The following RGS22 variants were observed in gnomAD, a reference collection of about 807,000 sequenced individuals.
RGS22 encodes regulator of G-protein signaling 22.
RGS22 carries 148 observed loss-of-function variants against 172.9 expected under a neutral mutation model. The ratio of observed to expected loss-of-function variants is 0.86; its 90% CI spans 0.75 to 0.98. RGS22 has a LOEUF of 0.98. Among genes scored for constraint, RGS22 ranks in the 50% least tolerant of loss-of-function variants. RGS22 has a pLI of 0.00. For missense variants in RGS22, 1,347 were observed against 1,440.8 expected (o/e 0.93, Z 1.05); for synonymous variants, 458 against 480.2 (o/e 0.95, Z 0.60).
intron 14 of RGS22, among the ~76,000 whole-genome samples, chr8:100,034,520 T>A (rs1007569723): frequency 2.6e-5 from 4 of 152,072 alleles, no homozygotes; most frequent in Non-Finnish European, 5.9e-5. Flanking sequence ...GAATCAATAT[T>A]GTGAAAATGG....
chr8:99,993,709 C>A (rs992680338), intron 20 of RGS22, among the ~76,000 whole-genome samples: 13 of 152,160 alleles, frequency 8.5e-5, no homozygotes, highest in African/African-American at 3.1e-4. Context: ...GGTACCATTC[C>A]TTCCGAAACT....
intron 3 of RGS22, among the ~76,000 whole-genome samples, chr8:100,081,807 G>A (rs561854762): frequency 7.9e-5 from 12 of 152,112 alleles, no homozygotes; most frequent in African/African-American, 2.2e-4. Flanking sequence ...AATGGGAGTA[G>A]GAGAAACTAA....
At chr8:99,986,411 G>C (rs1195701155) in intron 21 of RGS22, among the ~76,000 whole-genome samples, 1 of 152,110 alleles carries the variant, frequency 6.6e-6, no homozygotes, top group African/African-American at 2.4e-5. Context: ...TATAGTTATA[G>C]GCCATTTGAA....
At chr8:99,984,779 G>T (rs1812900788) in intron 21 of RGS22, among the ~76,000 whole-genome samples, 1 of 140,768 alleles carries the variant, frequency 7.1e-6, no homozygotes, top group African/African-American at 2.9e-5. Flanking sequence ...AATCCTTCCA[G>T]TCTTTACGGA....
chr8:99,982,390 A>C (rs1812643332), intron 21 of RGS22, among the ~76,000 whole-genome samples: 2 of 152,328 alleles, frequency 1.3e-5, no homozygotes, highest in African/African-American at 2.4e-5. Flanking sequence ...ATTAGTATCT[A>C]CTTTGACTCA....
intron 4 of RGS22, among the ~76,000 whole-genome samples, chr8:100,074,682 A>G (rs185101261): frequency 9.5e-4 from 145 of 152,204 alleles, no homozygotes; most frequent in African/African-American, 2.9e-3. Context: ...AGGAATCTGG[A>G]TAACTTTCAG....
At chr8:99,972,761 T>C (rs1263458860) in intron 23 of RGS22, among the ~76,000 whole-genome samples, 4 of 151,870 alleles carry the variant, frequency 2.6e-5, no homozygotes, top group African/African-American at 9.7e-5. Context: ...AAGCTGGGCG[T>C]GGTGGCTCAC....
intron 19 of RGS22, among the ~76,000 whole-genome samples, chr8:99,997,928 T>C (rs1468705340): frequency 1.3e-5 from 2 of 152,228 alleles, no homozygotes; most frequent in Non-Finnish European, 1.5e-5. Context: ...GATGGATGGA[T>C]GGATAGATAT....
At chr8:100,085,514 C>T (rs568879587) in intron 3 of RGS22, among the ~76,000 whole-genome samples, 1 of 152,140 alleles carries the variant, frequency 6.6e-6, no homozygotes, top group Non-Finnish European at 1.5e-5. Context: ...ATCTTGAAAA[C>T]ATCCATAAAG....
chr8:100,008,691 C>T, intron 14 of RGS22, 122 bp from the exon 15 acceptor site: 1 of 669,142 alleles, frequency 1.5e-6, no homozygotes, highest in Non-Finnish European at 2.5e-6. Context: ...TGATATTTTT[C>T]TTGAAAATAT....
At chr8:100,072,070 C>T in intron 5 of RGS22, 75 bp downstream of exon 5, 1 of 843,570 alleles carries the variant, frequency 1.2e-6, no homozygotes. Flanking sequence ...TGGTGGCATA[C>T]AGCTGTAGTC....
chr8:100,083,425 T>C (rs531537872), intron 3 of RGS22, among the ~76,000 whole-genome samples: 1 of 152,282 alleles, frequency 6.6e-6, no homozygotes, highest in South Asian at 2.1e-4. Flanking sequence ...TGGAGTGCAG[T>C]GGCGTGATCT....
At chr8:100,008,285 G>C (rs902505446) in intron 15 of RGS22, 90 bp downstream of exon 15, 1 of 1,215,806 alleles carries the variant, frequency 8.2e-7, no homozygotes, top group Non-Finnish European at 1.2e-6. Flanking sequence ...TGATCCACCC[G>C]CCTCGGCCTC....
chr8:99,991,913 A>C (rs956377999), intron 20 of RGS22, among the ~76,000 whole-genome samples: 3 of 152,192 alleles, frequency 2.0e-5, no homozygotes, highest in African/African-American at 7.2e-5. Context: ...CTAACAGCAG[A>C]TCTCTTGGCA....
intron 14 of RGS22, among the ~76,000 whole-genome samples, chr8:100,014,104 T>C (rs551188226): frequency 6.6e-6 from 1 of 152,208 alleles, no homozygotes; most frequent in African/African-American, 2.4e-5. Context: ...GAAAAACCAC[T>C]GGTATAAATG....
rs760614193 is a variant in RGS22, at chr8:100,008,557, T to C, written c.2179A>G (p.Thr727Ala). The change falls in exon 15 of 28, where the codon ACA becomes GCA. Residue 727 changes from threonine (T) to alanine (A), a missense_variant. Coordinates refer to ENST00000360863, the MANE Select transcript of RGS22 (RefSeq NM_015668.5). Reference protein sequence around the residue: ...VCKQAQYLFATYVAPSATLDI... With the variant: ...VCKQAQYLFAAYVAPSATLDI... ...AGAGTGGCAGAAGGAGCAACGTATG[T>C]GGCAAAAAGATACTGAAGGAGAAGA... The C allele has an allele frequency of 1.4e-5, 23 of 1,607,400 alleles. No individual in the cohort carries two copies. The highest frequency in any genetic ancestry group is 6.7e-5 in the African/African-American group (5 of 74,084).
chr8:100,038,805 C>A (rs1819782860), intron 14 of RGS22, 126 bp downstream of exon 14: 1 of 460,568 alleles, frequency 2.2e-6, no homozygotes, highest in Non-Finnish European at 3.8e-6. Context: ...ACAGTAATCC[C>A]ATGGCAACAA....
chr8:100,071,625 C>A (rs1810988259), intron 5 of RGS22, 88 bp from the exon 6 acceptor site: 2 of 962,412 alleles, frequency 2.1e-6, no homozygotes, highest in Non-Finnish European at 3.1e-6. Context: ...GTATTCAAGC[C>A]AATCTCCTCT....
chr8:100,001,217 T>TATATACATATATATATATATAC (rs1554611177), intron 18 of RGS22, among the ~76,000 whole-genome samples: 2 of 124,398 alleles, frequency 1.6e-5, no homozygotes, highest in Admixed American at 8.4e-5. Context: ...TATATATATA[T>TATATACATATATATATATATAC]ATACATATAT....
Sources: allele counts gnomAD v4.1 joint callset (sites outside exome capture counted in the v4.1 genomes callset), GRCh38; gene constraint gnomAD v4.1.1; transcripts MANE v1.5; gene names NCBI Gene and HGNC (gene_info 2026-07-23, HGNC 2026-07-21).